The following CNTNAP2 variants were observed in gnomAD, a reference collection of about 807,000 sequenced individuals.
CNTNAP2 encodes contactin-associated protein-like 2.
A neutral mutation model predicts 155.2 loss-of-function variants in CNTNAP2; 98 were observed. The ratio of observed to expected loss-of-function variants is 0.63; its 90% CI spans 0.54 to 0.75. The LOEUF (loss-of-function observed/expected upper bound fraction) is 0.75, where lower values mean the gene tolerates loss of function less well. Ranked by LOEUF, CNTNAP2 falls within the 30% of genes least tolerant of loss-of-function variation. The probability of loss-of-function intolerance (pLI) is 0.00; values close to 1 mark genes in which losing one functional copy is unlikely to be tolerated. For missense variants in CNTNAP2, 1,727 were observed against 1,688.1 expected (o/e 1.02, Z -0.40); for synonymous variants, 651 against 631.2 (o/e 1.03, Z -0.47).
At chr7:146,649,356 C>G (rs1799867264) in intron 1 of CNTNAP2, among the ~76,000 whole-genome samples, 1 of 151,962 alleles carries the variant, frequency 6.6e-6, no homozygotes, top group East Asian at 1.9e-4. Flanking sequence ...GATATATTTT[C>G]TTTTTACTGG....
rs896083188 is a variant in CNTNAP2, at chr7:147,149,083, G to A, written c.1348+16574G>A. Among the ~76,000 whole-genome samples, 11 of 152,288 alleles carry A rather than the reference G, an allele frequency of 7.2e-5. No homozygotes were observed. In the East Asian group the frequency reaches 7.7e-4, roughly 11 times the overall value. On this transcript the variant is annotated intron_variant, in intron 8 of 23. Coordinates refer to ENST00000361727, the MANE Select transcript of CNTNAP2 (RefSeq NM_014141.6). The stretch of plus-strand genomic sequence containing the variant: ...GGCTGGGGTGGCTAGCTCTTATTCC[G>A]TTATTTGACCCCGCACACATCCTGC...
In CNTNAP2 at chr7:146,282,911, A is replaced by G. The variant is rs565296144; in HGVS notation, c.97+165938A>G. Among the ~76,000 whole-genome samples, 3 of 152,342 alleles carry G rather than the reference A, an allele frequency of 2.0e-5. No homozygotes were observed. The South Asian group carries it at 6.2e-4, about 32-fold the overall frequency. On this transcript the variant is annotated intron_variant, in intron 1 of 23. Transcript: ENST00000361727. The stretch of plus-strand genomic sequence containing the variant: ...CAGCTGAATTTGGTAGATGATTCCA[A>G]TGATTAATTTTAATATTAAAGTTTT...
chr7:146,659,291 T>C (rs910013327), intron 1 of CNTNAP2, among the ~76,000 whole-genome samples: 6 of 152,156 alleles, frequency 3.9e-5, no homozygotes, highest in Admixed American at 3.9e-4. Flanking sequence ...CCAATTTAAA[T>C]GGTCAAGGAA....
At chr7:147,352,933 G>A (rs989719718) in intron 9 of CNTNAP2, among the ~76,000 whole-genome samples, 3 of 151,722 alleles carry the variant, frequency 2.0e-5, no homozygotes, top group African/African-American at 7.3e-5. Flanking sequence ...ACTAAGTAAA[G>A]TTAGTAAAGT....
Position 147,672,656 on chromosome 7 carries a change from C to T in CNTNAP2, c.2098+33350C>T, listed in dbSNP as rs915317007. On this transcript the variant is annotated intron_variant, in intron 13 of 23. Transcript: ENST00000361727. ...GTTGAAATATAGGTGTCAAGCACGT[C>T]CCATTTTAGATGCTCTTCAGACTTC... is the stretch of plus-strand genomic sequence containing the variant. 2 of 152,148 alleles carry T rather than the reference C, an allele frequency of 1.3e-5. 1 individual carries two copies. The highest frequency in any genetic ancestry group is 1.3e-4 in the Admixed American group (2 of 15,270). The allele number at this position is 152,148 out of a possible 1,614,324, so 9.4% of individuals were successfully genotyped here.
At chr7:147,822,474 A>T (rs547214125) in intron 13 of CNTNAP2, among the ~76,000 whole-genome samples, 12 of 152,314 alleles carry the variant, frequency 7.9e-5, no homozygotes, top group African/African-American at 2.9e-4. Context: ...CCCTGTTGGA[A>T]GTATTGCAAG....
intron 13 of CNTNAP2, among the ~76,000 whole-genome samples, chr7:147,802,746 G>C (rs1034498011): frequency 6.8e-6 from 1 of 146,710 alleles, no homozygotes; most frequent in South Asian, 2.3e-4. Flanking sequence ...GCTTCCGCTC[G>C]GCATCAGAGG....
At chr7:147,815,582 T>C (rs1228378148) in intron 13 of CNTNAP2, among the ~76,000 whole-genome samples, 1 of 152,202 alleles carries the variant, frequency 6.6e-6, no homozygotes, top group African/African-American at 2.4e-5. Flanking sequence ...AGGGTTCATA[T>C]GATTCAATAT....
chr7:147,615,168 G>A (rs1281804445), intron 12 of CNTNAP2, among the ~76,000 whole-genome samples: 1 of 149,032 alleles, frequency 6.7e-6, no homozygotes, highest in African/African-American at 2.5e-5. Flanking sequence ...GGAGGCTGAA[G>A]TGGAAGGATC....
intron 1 of CNTNAP2, among the ~76,000 whole-genome samples, chr7:146,568,547 G>T (rs1798392735): frequency 1.3e-5 from 2 of 151,998 alleles, no homozygotes. Context: ...AACAATATTT[G>T]TTCCTATGTT....
chr7:147,463,529 C>G (rs1182799561), intron 10 of CNTNAP2, among the ~76,000 whole-genome samples: 1 of 152,154 alleles, frequency 6.6e-6, no homozygotes, highest in East Asian at 1.9e-4. Flanking sequence ...AAACAAAACC[C>G]TGTGTCATGT....
At chr7:147,721,137 C>T (rs576206436) in intron 13 of CNTNAP2, among the ~76,000 whole-genome samples, 60 of 152,120 alleles carry the variant, frequency 3.9e-4, no homozygotes, top group African/African-American at 1.4e-3. Context: ...ATTAGGTGGG[C>T]AGGCATACCT....
intron 18 of CNTNAP2, among the ~76,000 whole-genome samples, chr7:148,196,658 T>C (rs1486553932): frequency 3.3e-5 from 5 of 152,198 alleles, no homozygotes; most frequent in African/African-American, 7.2e-5. Context: ...AACTGAGGCA[T>C]TGATAAATTA....
chr7:147,509,239 C>A (rs1252895349), intron 11 of CNTNAP2, among the ~76,000 whole-genome samples: 20 of 152,172 alleles, frequency 1.3e-4, no homozygotes. Context: ...ACTCTCTGTT[C>A]TCCCACAGCA....
chr7:147,925,283 AGC>A (rs138137977), intron 14 of CNTNAP2, among the ~76,000 whole-genome samples: 175 of 90,700 alleles, frequency 1.9e-3, no homozygotes, highest in Non-Finnish European at 2.6e-3. Context: ...AACACACACA[AGC>A]GCGCGCGCAC....
chr7:148,358,452 G>T (rs1015104878), intron 21 of CNTNAP2, among the ~76,000 whole-genome samples: 2 of 152,162 alleles, frequency 1.3e-5, no homozygotes, highest in Non-Finnish European at 2.9e-5. Flanking sequence ...TGTGGAGATT[G>T]CATGAGAAGG....
chr7:147,229,442 T>C (rs1294617234), intron 8 of CNTNAP2, among the ~76,000 whole-genome samples: 4 of 151,220 alleles, frequency 2.6e-5, no homozygotes, highest in Non-Finnish European at 4.4e-5. Context: ...ACAATAAAAC[T>C]CTGACCTGAC....
chr7:146,234,278 C>T (rs1368150805), intron 1 of CNTNAP2, among the ~76,000 whole-genome samples: 1 of 152,184 alleles, frequency 6.6e-6, no homozygotes, highest in Non-Finnish European at 1.5e-5. Flanking sequence ...TGAGAAGTAT[C>T]TGTTCATGTC....
chr7:146,437,274 A>G (rs1796257893), intron 1 of CNTNAP2, among the ~76,000 whole-genome samples: 1 of 151,560 alleles, frequency 6.6e-6, no homozygotes, highest in Non-Finnish European at 1.5e-5. Context: ...ATTGTCTTCC[A>G]TGAAATCAGT....
Sources: gnomAD v4.1 joint callset for allele counts (sites outside exome capture counted in the v4.1 genomes callset) on GRCh38, gnomAD v4.1.1 for gene constraint, MANE v1.5 for transcripts, NCBI Gene and HGNC (gene_info 2026-07-23, HGNC 2026-07-21) for gene names.